The following TRAM1L1 variants were observed in gnomAD, a reference collection of about 807,000 sequenced individuals.
TRAM1L1 encodes translocation associated membrane protein 1 like 1.
For missense variants in TRAM1L1, 451 were observed against 439.9 expected (o/e 1.03, Z -0.23); for synonymous variants, 189 against 163.6 (o/e 1.16, Z -1.18).
chr4:117,085,566 G>A lies in TRAM1L1; in HGVS notation c.-173C>T. On this transcript the variant is annotated 5_prime_UTR_variant, in exon 1 of 1. Coordinates refer to ENST00000310754, the MANE Select transcript of TRAM1L1 (RefSeq NM_152402.3). ...ATAAATCAAAGGCGAGGGCCGAGCTGAGCTGAGCATGCGCACCAGGGGGAC... is the reference window on the plus strand; with the variant it reads ...ATAAATCAAAGGCGAGGGCCGAGCTAAGCTGAGCATGCGCACCAGGGGGAC... 2.3e-6 allele frequency: 2 copies of A among 862,670 alleles called. No homozygotes were observed. Among genetic ancestry groups the A allele is most frequent in the South Asian group, 2.0e-5 (1 of 49,388 alleles). The allele number at this position is 862,670 out of a possible 1,614,324, so 53.4% of individuals were successfully genotyped here.
In TRAM1L1 at chr4:117,085,438, C is replaced by G. The variant is rs755200922; in HGVS notation, c.-45G>C. 9.9e-5 allele frequency: 155 copies of G among 1,572,144 alleles called. No individual in the cohort carries two copies. Among genetic ancestry groups the G allele is most frequent in the Non-Finnish European group, 1.3e-4 (149 of 1,156,072 alleles). On this transcript the variant is annotated 5_prime_UTR_variant, in exon 1 of 1. Coordinates refer to ENST00000310754, the MANE Select transcript of TRAM1L1 (RefSeq NM_152402.3). The stretch of plus-strand genomic sequence containing the variant: ...TCACCGGCGAGCCGCAGCTGCCTCC[C>G]CCTGGCTGCTCCTCACAGCGCCGCC...
In TRAM1L1 at chr4:117,084,220, A is replaced by G; in HGVS notation, c.*64T>C. On this transcript the variant is annotated 3_prime_UTR_variant, in exon 1 of 1. Transcript: ENST00000310754. ...TATTTTCAAAAACAGAAAAATCTCT[A>G]GTGCAGAAAGAAACCTCAAAGAGCA... 6.8e-7 allele frequency: 1 copy of G among 1,469,072 alleles called. No homozygotes were observed. The highest frequency in any genetic ancestry group is 9.1e-7 in the Non-Finnish European group (1 of 1,096,548). The allele number at this position is 1,469,072 out of a possible 1,614,324, so 91.0% of individuals were successfully genotyped here.
At position 117,084,209 on chromosome 4, in the gene TRAM1L1, G is replaced by C; in HGVS notation, c.*75C>G. The C allele has an allele frequency of 6.9e-7, 1 of 1,443,068 alleles. No individual in the cohort carries two copies. Among genetic ancestry groups the C allele is most frequent in the South Asian group, 1.5e-5 (1 of 67,772 alleles). The allele number at this position is 1,443,068 out of a possible 1,614,324, so 89.4% of individuals were successfully genotyped here. On this transcript the variant is annotated 3_prime_UTR_variant, in exon 1 of 1. Coordinates refer to ENST00000310754, the MANE Select transcript of TRAM1L1 (RefSeq NM_152402.3). ...AGAGCACGAACTATTTTCAAAAACA[G>C]AAAAATCTCTAGTGCAGAAAGAAAC...
chr4:117,084,971 G>T lies in TRAM1L1; in HGVS notation c.423C>A (p.Ile141=), dbSNP rs1025189463. 1 of 1,614,024 alleles carries T rather than the reference G, an allele frequency of 6.2e-7. No individual in the cohort carries two copies. The change falls in exon 1 of 1, where the codon ATC becomes ATA. Residue 141 remains isoleucine (I), a synonymous_variant. Coordinates refer to ENST00000310754, the MANE Select transcript of TRAM1L1 (RefSeq NM_152402.3). ...TTGGGTCTGACAGGCAGTTTTCAGAGATTAAAATGAATGTGCCCCAAATAC... is the reference window on the plus strand; with the variant it reads ...TTGGGTCTGACAGGCAGTTTTCAGATATTAAAATGAATGTGCCCCAAATAC... ...FSCIWGTFIL[I]SENCLSDPTL...
In TRAM1L1 at chr4:117,085,022, C is replaced by T. The variant is rs1235685054; in HGVS notation, c.372G>A (p.Gln124=). Residue 124 remains glutamine (Q), a synonymous_variant, in exon 1 of 1, where the codon CAG becomes CAA. Coordinates refer to ENST00000310754, the MANE Select transcript of TRAM1L1 (RefSeq NM_152402.3). ...AAGAAAAAAAGTAGAACACACTAAA[C>T]TGACCAGACTCGTTAAACTTGTTTT... The part of the protein sequence containing the change: ...AKQNKFNESG[Q]FSVFYFFSCI... The T allele has an allele frequency of 2.5e-6, 4 of 1,614,066 alleles. No homozygotes were observed. Among genetic ancestry groups the T allele is most frequent in the South Asian group, 1.1e-5 (1 of 91,078 alleles).
In TRAM1L1 at chr4:117,084,474, A is replaced by G; in HGVS notation, c.920T>C (p.Ile307Thr). 6.2e-7 allele frequency: 1 copy of G among 1,614,150 alleles called. No individual in the cohort carries two copies. Among genetic ancestry groups the G allele is most frequent in the Non-Finnish European group, 8.5e-7 (1 of 1,180,030 alleles). Residue 307 changes from isoleucine to threonine, a missense_variant, in exon 1 of 1, where the codon ATC (isoleucine) becomes ACC (threonine). Physicochemically the swap from Ile to Thr is moderately conservative, Grantham distance 89. Coordinates refer to ENST00000310754, the MANE Select transcript of TRAM1L1 (RefSeq NM_152402.3). ...KIAVLSSSCT[I>T]QAYVTWNLIT... The stretch of plus-strand genomic sequence containing the variant: ...TAAGTTCCATGTTACGTAGGCTTGG[A>G]TCGTGCAACTGGACGACAGAACAGC...
At position 117,084,117 on chromosome 4, in the gene TRAM1L1, C is replaced by G; in HGVS notation, c.*167G>C. The stretch of plus-strand genomic sequence containing the variant: ...TCAACCAAAATCTTTTTTTCCCATT[C>G]ATAATAATCCTCCTCCCCTCAAATG... On this transcript the variant is annotated 3_prime_UTR_variant, in exon 1 of 1. Coordinates refer to ENST00000310754, the MANE Select transcript of TRAM1L1 (RefSeq NM_152402.3). The G allele has an allele frequency of 1.7e-6, 1 of 587,088 alleles. No homozygotes were observed. The highest frequency in any genetic ancestry group is 1.9e-5 in the African/African-American group (1 of 52,438). The allele number at this position is 587,088 out of a possible 1,614,324, so 36.4% of individuals were successfully genotyped here. A position where few individuals can be genotyped will look rare whatever the true frequency, so the allele number is the denominator to read the frequency against.
At position 117,085,206 on chromosome 4, in the gene TRAM1L1, T is replaced by G; in HGVS notation, c.188A>C (p.Glu63Ala). The change falls in exon 1 of 1, where the codon GAG (glutamate) becomes GCG (alanine). Residue 63 changes from glutamate to alanine, a missense_variant. Transcript: ENST00000310754. ...LQHSVAVPAA[E>A]EQATGSKSLY... ...GGACTTTGAGCCCGTGGCTTGTTCC[T>G]CTGCTGCAGGGACAGCAACACTGTG... 6.2e-7 allele frequency: 1 copy of G among 1,614,112 alleles called. No individual in the cohort carries two copies. The highest frequency in any genetic ancestry group is 8.5e-7 in the Non-Finnish European group (1 of 1,180,016).
rs1217740620 is a variant in TRAM1L1, at chr4:117,085,485, G to C, written c.-92C>G. 1.5e-5 allele frequency: 23 copies of C among 1,498,552 alleles called. No homozygotes were observed. Among genetic ancestry groups the C allele is most frequent in the Non-Finnish European group, 2.0e-5 (22 of 1,117,096 alleles). 92.8% of individuals were successfully genotyped at this position (1,498,552 alleles called of 1,614,324 possible). ...CGCCGCCACGGTAGCAGCTCCGGGG[G>C]CTCCACTTCCCATCCCGAAGTCAGT... On this transcript the variant is annotated 5_prime_UTR_variant, in exon 1 of 1. Transcript: ENST00000310754.
rs771080879 is a variant in TRAM1L1, at chr4:117,084,294, TTC to T, written c.1098_1099del (p.Lys367IlefsTer76). The T allele has an allele frequency of 6.2e-7, 1 of 1,604,958 alleles. No homozygotes were observed. Among genetic ancestry groups the T allele is most frequent in the Non-Finnish European group, 8.5e-7 (1 of 1,177,034 alleles). On this transcript the variant is annotated frameshift_variant, in exon 1 of 1. Coordinates refer to ENST00000310754, the MANE Select transcript of TRAM1L1 (RefSeq NM_152402.3). LOFTEE classifies it high-confidence loss of function. ...ATGCGCTTGCAAAGATTATGAAGAT[TTC>T]TCTTTCCTCTTTGGCGGACAGTCTA...
rs757203357 is a variant in TRAM1L1, at chr4:117,085,413, T to C, written c.-20A>G. ...CCCCATGGTGGCGCTTCCCGGATAC[T>C]CACCGGCGAGCCGCAGCTGCCTCCC... On this transcript the variant is annotated 5_prime_UTR_variant, in exon 1 of 1. Coordinates refer to ENST00000310754, the MANE Select transcript of TRAM1L1 (RefSeq NM_152402.3). 1.3e-6 allele frequency: 2 copies of C among 1,586,832 alleles called. No homozygotes were observed. The highest frequency in any genetic ancestry group is 1.7e-6 in the Non-Finnish European group (2 of 1,163,052).
In TRAM1L1 at chr4:117,085,196, G is replaced by A. The variant is rs759707376; in HGVS notation, c.198C>T (p.Ala66=). The change falls in exon 1 of 1, where the codon GCC becomes GCT. Residue 66 remains alanine (A), a synonymous_variant. Coordinates refer to ENST00000310754, the MANE Select transcript of TRAM1L1 (RefSeq NM_152402.3). ...SVAVPAAEEQ[A]TGSKSLYYYG... ...AATAATAGAGGGACTTTGAGCCCGT[G>A]GCTTGTTCCTCTGCTGCAGGGACAG... 6.2e-7 allele frequency: 1 copy of A among 1,614,066 alleles called. No individual in the cohort carries two copies. The highest frequency in any genetic ancestry group is 8.5e-7 in the Non-Finnish European group (1 of 1,180,010).
At position 117,084,823 on chromosome 4, in the gene TRAM1L1, G is replaced by T; in HGVS notation, c.571C>A (p.Gln191Lys). The T allele has an allele frequency of 6.2e-7, 1 of 1,614,110 alleles. No individual in the cohort carries two copies. Among genetic ancestry groups the T allele is most frequent in the Non-Finnish European group, 8.5e-7 (1 of 1,180,014 alleles). The change falls in exon 1 of 1, where the codon CAA becomes AAA. Residue 191 changes from glutamine to lysine, a missense_variant. Gln to Lys is a moderately conservative substitution (Grantham distance 53). Transcript: ENST00000310754. ...TAGACAAGTTGACGAGGGATGTCTT[G>T]TTTTTTGGTTTTCTGGAAGTAGAGT... ...PELYFQKTKK[Q>K]DIPRQLVYIG... is the part of the protein sequence containing the mutation.
At position 117,085,527 on chromosome 4, in the gene TRAM1L1, C is replaced by A. The variant is rs1488291240; in HGVS notation, c.-134G>T. The A allele has an allele frequency of 4.0e-6, 5 of 1,241,474 alleles. No individual in the cohort carries two copies. The highest frequency in any genetic ancestry group is 3.0e-5 in the African/African-American group (2 of 65,596). The allele number at this position is 1,241,474 out of a possible 1,614,324, so 76.9% of individuals were successfully genotyped here. On this transcript the variant is annotated 5_prime_UTR_variant, in exon 1 of 1. Transcript: ENST00000310754. ...GAAGTCAGTCCCGGGTCGCAGCGGC[C>A]GCCCAGAAAAAAAATAAATCAAAGG...
Position 117,084,552 on chromosome 4 carries a change from T to G in TRAM1L1, c.842A>C (p.Asn281Thr). The G allele has an allele frequency of 6.2e-7, 1 of 1,614,206 alleles. No individual in the cohort carries two copies. The highest frequency in any genetic ancestry group is 8.5e-7 in the Non-Finnish European group (1 of 1,180,048). ...TCCAGTAAGGGCATCAGGATTCCGA[T>G]TCTGCGATCCAGCCAGGTGAAACCC... ...TVGFHLAGSQ[N>T]RNPDALTGNV... Residue 281 changes from asparagine (N) to threonine (T), a missense_variant, in exon 1 of 1, where the codon AAT (asparagine) becomes ACT (threonine). Asn to Thr is a moderately conservative substitution (Grantham distance 65, BLOSUM62 0). Coordinates refer to ENST00000310754, the MANE Select transcript of TRAM1L1 (RefSeq NM_152402.3).
In TRAM1L1 at chr4:117,084,017, T is replaced by G. The variant is rs1732400962; in HGVS notation, c.*267A>C. On this transcript the variant is annotated 3_prime_UTR_variant, in exon 1 of 1. Coordinates refer to ENST00000310754, the MANE Select transcript of TRAM1L1 (RefSeq NM_152402.3). ...AAATCATTAGGAAAATGTTGAAAGG[T>G]TAAAAATCAAAACAAAATATAGTGG... The G allele has an allele frequency of 2.8e-6, 1 of 356,420 alleles. No homozygotes were observed. Among genetic ancestry groups the G allele is most frequent in the Non-Finnish European group, 5.0e-6 (1 of 199,112 alleles). The allele number at this position is 356,420 out of a possible 1,614,324, so 22.1% of individuals were successfully genotyped here. A position where few individuals can be genotyped will look rare whatever the true frequency, so the allele number is the denominator to read the frequency against.
rs1295241246 is a variant in TRAM1L1 at position 117,084,058 on chromosome 4, T to C, written c.*226A>G. ...AATATAGTGGTGATCCCCAAAACTA[T>C]TTTGACATTATTTTGACGATGAGTA... On this transcript the variant is annotated 3_prime_UTR_variant, in exon 1 of 1. Coordinates refer to ENST00000310754, the MANE Select transcript of TRAM1L1 (RefSeq NM_152402.3). 4.5e-6 allele frequency: 2 copies of C among 446,360 alleles called. No homozygotes were observed. The highest frequency in any genetic ancestry group is 3.9e-5 in the Admixed American group (1 of 25,634). The allele number at this position is 446,360 out of a possible 1,614,324, so 27.6% of individuals were successfully genotyped here.
In TRAM1L1 at chr4:117,085,302, C is replaced by G; in HGVS notation, c.92G>C (p.Gly31Ala). The part of the protein sequence containing the change: ...QNHADIVSCV[G>A]MFFLLGLVFE... ...CACAAGCCCCAGCAGGAAGAACATC[C>G]CCACGCAGGAGACGATGTCCGCATG... Residue 31 changes from glycine to alanine, a missense_variant, in exon 1 of 1, where the codon GGG (glycine) becomes GCG (alanine). Gly to Ala is a moderately conservative substitution (Grantham distance 60). Transcript: ENST00000310754. The G allele has an allele frequency of 4.3e-6, 7 of 1,614,052 alleles. No homozygotes were observed. Among genetic ancestry groups the G allele is most frequent in the Non-Finnish European group, 5.9e-6 (7 of 1,180,018 alleles).
chr4:117,083,561 T>A lies in TRAM1L1; in HGVS notation c.*723A>T, dbSNP rs896653732. 5.9e-5 allele frequency: 9 copies of A among 152,172 alleles called. No individual in the cohort carries two copies. The highest frequency in any genetic ancestry group is 2.2e-4 in the African/African-American group (9 of 41,460). The allele number at this position is 152,172 out of a possible 1,614,324, so 9.4% of individuals were successfully genotyped here. On this transcript the variant is annotated 3_prime_UTR_variant, in exon 1 of 1. Transcript: ENST00000310754. ...AAAAGACTAAGTTCAATGTCCTTTT[T>A]AAAGTAATATTTAATTTCATGAATT...
Sources: gnomAD v4.1 joint callset for allele counts on GRCh38, gnomAD v4.1.1 for gene constraint, MANE v1.5 for transcripts, NCBI Gene and HGNC (gene_info 2026-07-23, HGNC 2026-07-21) for gene names.